The following MAP1B variants were observed in gnomAD, a reference collection of about 807,000 sequenced individuals.
MAP1B encodes microtubule-associated protein 1B.
Under a neutral mutation model 176.1 loss-of-function variants are expected in MAP1B, and 12 were observed. That is an observed-to-expected ratio of 0.07 (90% CI 0.04 to 0.11). The LOEUF is 0.11. Ranked by LOEUF, MAP1B falls within the 10% of genes least tolerant of loss-of-function variation. MAP1B has a pLI of 1.00. For missense variants in MAP1B, 2,523 were observed against 2,990.5 expected (o/e 0.84, Z 3.65); for synonymous variants, 1,044 against 1,135.0 (o/e 0.92, Z 1.61).
rs1747474730 is a variant in MAP1B, at chr5:72,207,355, G to A, written c.*2116G>A. ...AAAATTAACATTTTAGTTGATTTTT[G>A]TCTGATAAGTCTATGTTTTGCACTG... is the stretch of plus-strand genomic sequence containing the variant. On this transcript the variant is annotated 3_prime_UTR_variant, in exon 7 of 7. Coordinates refer to ENST00000296755, the MANE Select transcript of MAP1B (RefSeq NM_005909.5). 6.6e-6 allele frequency: 1 copy of A among 152,016 alleles called. No homozygotes were observed. Among genetic ancestry groups the A allele is most frequent in the South Asian group, 2.1e-4 (1 of 4,826 alleles). 9.4% of individuals were successfully genotyped at this position (152,016 alleles called of 1,614,324 possible).
At chr5:72,163,778 T>C (rs1247563896) in intron 2 of MAP1B, among the ~76,000 whole-genome samples, 2 of 152,148 alleles carry the variant, frequency 1.3e-5, no homozygotes, top group Non-Finnish European at 2.9e-5. Flanking sequence ...GACAAGTCAC[T>C]TAGCCTTTCT....
At position 72,199,927 on chromosome 5, in the gene MAP1B, A is replaced by G. The variant is rs1747291941; in HGVS notation, c.6572A>G (p.Lys2191Arg). 1 of 1,613,998 alleles carries G rather than the reference A, an allele frequency of 6.2e-7. No individual in the cohort carries two copies. The change falls in exon 5 of 7, where the codon AAA becomes AGA. Residue 2191 changes from lysine to arginine, a missense_variant. Physicochemically the swap from Lys to Arg is conservative, Grantham distance 26. Coordinates refer to ENST00000296755, the MANE Select transcript of MAP1B (RefSeq NM_005909.5). The surrounding 1 kb of genome is among the most constrained non-coding windows in gnomAD (Gnocchi z 4.2). ...EDESETIPTD[K>R]TVTYKHMDPP... is the part of the protein sequence containing the mutation. ...GAGTCGGAAACCATCCCCACAGACA[A>G]AACTGTCACGTACAAACACATGGAC...
intron 1 of MAP1B, among the ~76,000 whole-genome samples, chr5:72,108,931 G>T (rs868778481): frequency 4.1e-4 from 62 of 152,240 alleles, no homozygotes; most frequent in African/African-American, 1.5e-3. Context: ...ATTCTCCTGG[G>T]GTGGTGCTGA....
At chr5:72,189,857 C>T (rs1381743212) in intron 4 of MAP1B, among the ~76,000 whole-genome samples, 1 of 152,078 alleles carries the variant, frequency 6.6e-6, no homozygotes, top group East Asian at 1.9e-4. Context: ...AACTCAGAGT[C>T]GGGCTGGAGA....
Position 72,198,625 on chromosome 5 carries a change from G to A in MAP1B, c.5270G>A (p.Arg1757Lys). The A allele has an allele frequency of 1.2e-6, 2 of 1,614,114 alleles. No homozygotes were observed. The highest frequency in any genetic ancestry group is 1.7e-6 in the Non-Finnish European group (2 of 1,180,018). The part of the protein sequence containing the change: ...EDTLSDVAPP[R>K]DMSLYASLTS... ...ACTCTATCCGATGTTGCTCCTCCCAGAGATATGTCCTTATATGCCTCACTC... is the reference window on the plus strand; with the variant it reads ...ACTCTATCCGATGTTGCTCCTCCCAAAGATATGTCCTTATATGCCTCACTC... Residue 1757 changes from arginine (R) to lysine (K), a missense_variant, in exon 5 of 7, where the codon AGA becomes AAA. Arg to Lys is a conservative substitution (Grantham distance 26). Coordinates refer to ENST00000296755, the MANE Select transcript of MAP1B (RefSeq NM_005909.5).
rs2111906709 is a variant in MAP1B at position 72,207,043 on chromosome 5, A to C, written c.*1804A>C. ...TTTTCTGGAAAAAAAAAATAAAAGA[A>C]ATAGTACATTGAAAACAAATGAATT... On this transcript the variant is annotated 3_prime_UTR_variant, in exon 7 of 7. Coordinates refer to ENST00000296755, the MANE Select transcript of MAP1B (RefSeq NM_005909.5). 1 of 152,338 alleles carries C rather than the reference A, an allele frequency of 6.6e-6. No individual in the cohort carries two copies. Among genetic ancestry groups the C allele is most frequent in the South Asian group, 2.1e-4 (1 of 4,824 alleles). 9.4% of individuals were successfully genotyped at this position (152,338 alleles called of 1,614,324 possible).
Position 72,193,917 on chromosome 5 carries a change from C to G in MAP1B, c.562C>G (p.Leu188Val), listed in dbSNP as rs1321232761. 5 of 1,613,598 alleles carry G rather than the reference C, an allele frequency of 3.1e-6. No individual in the cohort carries two copies. The highest frequency in any genetic ancestry group is 1.3e-5 in the African/African-American group (1 of 74,900). ...TCCTGCCAACAAAGCCAGCTTAACC[C>G]TGTTCTGTCCTGAAGAAGGGGACTG... ...THPANKASLT[L>V]FCPEEGDWKN... Residue 188 changes from leucine to valine, a missense_variant, in exon 5 of 7, where the codon CTG becomes GTG. This residue lies in a region of MAP1B where 307 missense variants were observed against 438.4 expected (regional missense o/e 0.70). Transcript: ENST00000296755.
intron 2 of MAP1B, among the ~76,000 whole-genome samples, chr5:72,121,390 A>G (rs1489528383): frequency 1.3e-5 from 2 of 152,274 alleles, no homozygotes; most frequent in African/African-American, 4.8e-5. Flanking sequence ...CACTAGTTTT[A>G]TAACATCTAG....
At chr5:72,134,840 G>A (rs1284088991) in intron 2 of MAP1B, among the ~76,000 whole-genome samples, 1 of 150,786 alleles carries the variant, frequency 6.6e-6, no homozygotes, top group Non-Finnish European at 1.5e-5. Context: ...AGGAAGGCAG[G>A]CGGCTGGTCC....
At chr5:72,162,279 G>A (rs1177390295) in intron 2 of MAP1B, among the ~76,000 whole-genome samples, 2 of 152,118 alleles carry the variant, frequency 1.3e-5, no homozygotes, top group Non-Finnish European at 2.9e-5. Context: ...TTTTTATCCT[G>A]TAAAAGTAAA....
At chr5:72,178,046 A>C (rs1279160529) in intron 2 of MAP1B, among the ~76,000 whole-genome samples, 1 of 152,046 alleles carries the variant, frequency 6.6e-6, no homozygotes. Flanking sequence ...TCTGTTGCCC[A>C]GGCCGGAGTG....
intron 2 of MAP1B, among the ~76,000 whole-genome samples, chr5:72,177,544 A>G (rs1746674877): frequency 6.6e-6 from 1 of 152,180 alleles, no homozygotes; most frequent in Non-Finnish European, 1.5e-5. Flanking sequence ...GGGCTCTGGA[A>G]GAAAAGGTTC....
chr5:72,108,968 G>A (rs889865154), intron 1 of MAP1B, among the ~76,000 whole-genome samples: 1 of 152,244 alleles, frequency 6.6e-6, no homozygotes. Context: ...ACACCGGTTG[G>A]TGGGCGTGGT....
Position 72,200,398 on chromosome 5 carries a change from T to C in MAP1B, c.7012+31T>C, listed in dbSNP as rs1374458889. 4 of 1,596,772 alleles carry C rather than the reference T, an allele frequency of 2.5e-6. No individual in the cohort carries two copies. In the African/African-American group the frequency reaches 5.4e-5, roughly 22 times the overall value. The stretch of plus-strand genomic sequence containing the variant: ...TTGAGAAGGCTGGGCATTGGATATA[T>C]GTCACAACCATTCTACTTGCGTTTA... On this transcript the variant is annotated intron_variant, in intron 5 of 6. Transcript: ENST00000296755.
intron 2 of MAP1B, among the ~76,000 whole-genome samples, chr5:72,161,757 G>C (rs1278979842): frequency 6.6e-6 from 1 of 152,020 alleles, no homozygotes; most frequent in Non-Finnish European, 1.5e-5. Context: ...AGGAGTTCCA[G>C]ACCAGCCTGG....
At position 72,198,710 on chromosome 5, in the gene MAP1B, T is replaced by C; in HGVS notation, c.5355T>C (p.Ser1785=). The part of the protein sequence containing the change: ...GEKLSPKSDI[S]PLTPRESSPL... The stretch of plus-strand genomic sequence containing the variant: ...AGCTCTCTCCAAAATCTGATATCTC[T>C]CCACTCACCCCACGAGAGTCCTCTC... Residue 1785 remains serine, a synonymous_variant, in exon 5 of 7, where the codon TCT becomes TCC. Coordinates refer to ENST00000296755, the MANE Select transcript of MAP1B (RefSeq NM_005909.5). The C allele has an allele frequency of 3.7e-6, 6 of 1,614,158 alleles. 1 individual carries two copies. The highest frequency in any genetic ancestry group is 3.3e-4 in the Middle Eastern group (2 of 6,062).
Position 72,199,434 on chromosome 5 carries a change from A to G in MAP1B, c.6079A>G (p.Thr2027Ala). The G allele has an allele frequency of 6.2e-7, 1 of 1,614,136 alleles. No homozygotes were observed. The highest frequency in any genetic ancestry group is 8.5e-7 in the Non-Finnish European group (1 of 1,180,030). ...TGAGTCTGAAGGTTATTCCTATGAG[A>G]CATCTACAAAGACAACACGAACCCC... Reference protein sequence around the residue: ...FPESEGYSYETSTKTTRTPDT... With the variant: ...FPESEGYSYEASTKTTRTPDT... Residue 2027 changes from threonine (T) to alanine (A), a missense_variant, in exon 5 of 7, where the codon ACA becomes GCA. Physicochemically the swap from Thr to Ala is moderately conservative, Grantham distance 58 (BLOSUM62 0). This residue lies in a region of MAP1B where 1,925 missense variants were observed against 2,126.0 expected (regional missense o/e 0.91). Transcript: ENST00000296755. This position sits in a 1 kb window ranked among gnomAD's most constrained non-coding sequence, Gnocchi z 4.2.
chr5:72,144,103 A>C (rs11750773), intron 2 of MAP1B, among the ~76,000 whole-genome samples: 27,144 of 152,074 alleles, frequency 0.18, 2,660 homozygotes, highest in Middle Eastern at 0.27. Flanking sequence ...CCCTTTTTCC[A>C]AATGAGGTCA....
chr5:72,190,225 G>A (rs1190615805), intron 4 of MAP1B, among the ~76,000 whole-genome samples: 1 of 152,178 alleles, frequency 6.6e-6, no homozygotes, highest in Non-Finnish European at 1.5e-5. Context: ...GGAAGTCAAT[G>A]GGGAAGAGAT....
Sources: gnomAD v4.1 joint callset for allele counts (sites outside exome capture counted in the v4.1 genomes callset) on GRCh38, gnomAD v4.1.1 for gene constraint, gnomAD v4.1.1 regional missense constraint, Gnocchi (gnomAD v3.1) non-coding constraint, MANE v1.5 for transcripts, NCBI Gene and HGNC (gene_info 2026-07-23, HGNC 2026-07-21) for gene names.